Variants in ALG9 observed in about 807,000 individuals in gnomAD.
The protein encoded by ALG9 is alpha-1,2-mannosyltransferase ALG9.
Under a neutral mutation model 81.8 loss-of-function variants are expected in ALG9, and 55 were observed. The observed-to-expected ratio is 0.67, with a 90% CI of 0.54 to 0.84. ALG9 has a LOEUF of 0.84. Ranked by LOEUF, ALG9 falls within the 40% of genes least tolerant of loss-of-function variation. ALG9 has a pLI of 0.00. For missense variants in ALG9, 629 were observed against 745.0 expected, an observed-to-expected ratio of 0.84 and a Z score of 1.81; for synonymous variants, 278 against 274.3, an observed-to-expected ratio of 1.01 and a Z score of -0.13.
At chr11:111,825,330 G>A (rs1467040792) in intron 13 of ALG9, among the ~76,000 whole-genome samples, 1 of 152,182 alleles carries the variant, frequency 6.6e-6, no homozygotes, top group Non-Finnish European at 1.5e-5. Flanking sequence ...ATGAACCCTT[G>A]TCTTTAAACA....
At chr11:111,790,898 A>G (rs1310112137) in intron 14 of ALG9, among the ~76,000 whole-genome samples, 1 of 152,204 alleles carries the variant, frequency 6.6e-6, no homozygotes, top group Non-Finnish European at 1.5e-5. Flanking sequence ...CAGTTTTAGC[A>G]GTACCAATTA....
At chr11:111,768,315 T>C in the ALG9 span, among the ~76,000 whole-genome samples, 5 of 152,220 alleles carry the variant, frequency 3.3e-5, no homozygotes, top group Non-Finnish European at 7.3e-5. Flanking sequence ...TAAATTACTA[T>C]AATATTTTTA....
chr11:111,821,699 G>T lies in ALG9; in HGVS notation c.1603-11926C>A, dbSNP rs555036303. Among the ~76,000 whole-genome samples, 8 of 151,682 alleles carry T rather than the reference G, an allele frequency of 5.3e-5. No homozygotes were observed. The East Asian group carries it at 1.6e-3, about 29-fold the overall frequency. On this transcript the variant is annotated intron_variant, in intron 13 of 14. Transcript: ENST00000616540. ...TGCCCAGGCTGGAGTACAGTGGCAC[G>T]ATCTCGGCTCACTGCAAGCTCCACC... is the stretch of plus-strand genomic sequence containing the variant.
downstream of ALG9, among the ~76,000 whole-genome samples, chr11:111,780,246 T>C (rs1355992987): frequency 1.3e-5 from 2 of 152,160 alleles, no homozygotes; most frequent in African/African-American, 4.8e-5. Flanking sequence ...GTACCCTTTC[T>C]CTCTTTTTAG....
At chr11:111,821,629 T>C (rs1952398064) in intron 13 of ALG9, among the ~76,000 whole-genome samples, 1 of 152,192 alleles carries the variant, frequency 6.6e-6, no homozygotes, top group Admixed American at 6.5e-5. Context: ...CTTCCGCTGT[T>C]TCCCCAGGCT....
At position 111,837,560 on chromosome 11, in the gene ALG9, T is replaced by G; in HGVS notation, c.1380A>C (p.Pro460=). 6.2e-7 allele frequency: 1 copy of G among 1,614,168 alleles called. No homozygotes were observed. Among genetic ancestry groups the G allele is most frequent in the African/African-American group, 1.3e-5 (1 of 75,038 alleles). ...YPEFYRIATD[P]TIHTVPEGRP... is the part of the protein sequence containing the mutation. Reference sequence around the variant, plus strand: ...TGCCTTCTGGGACAGTGTGGATGGTTGGGTCTGTAGCAATTCGGTAAAATT... The same window carrying G: ...TGCCTTCTGGGACAGTGTGGATGGTGGGGTCTGTAGCAATTCGGTAAAATT... The change falls in exon 12 of 15, where the codon CCA becomes CCC. Residue 460 remains proline (P), a synonymous_variant. Coordinates refer to ENST00000616540, the MANE Select transcript of ALG9 (RefSeq NM_024740.2).
chr11:111,840,930 C>T, intron 9 of ALG9, 121 bp from the exon 10 acceptor site: 1 of 1,192,608 alleles, frequency 8.4e-7, no homozygotes, highest in Non-Finnish European at 1.2e-6. Flanking sequence ...TAGAATGTTT[C>T]TACTCTTGTA....
intron 12 of ALG9, 72 bp downstream of exon 12, chr11:111,837,396 T>C: frequency 1.3e-6 from 2 of 1,570,388 alleles, no homozygotes. Context: ...AAACAAAAAT[T>C]AGAAGACACT....
intron 13 of ALG9, among the ~76,000 whole-genome samples, chr11:111,832,448 T>A (rs1954535507): frequency 6.7e-6 from 1 of 150,150 alleles, no homozygotes; most frequent in East Asian, 1.9e-4. Context: ...GCTAATTTAT[T>A]TTTTTTTTAT....
At chr11:111,775,855 T>C in the ALG9 span, among the ~76,000 whole-genome samples, 2 of 152,346 alleles carry the variant, frequency 1.3e-5, no homozygotes, top group Middle Eastern at 3.4e-3. Flanking sequence ...AAATAGGGAC[T>C]ATAAGTCACG....
chr11:111,854,081 A>G (rs1450495020), intron 6 of ALG9, among the ~76,000 whole-genome samples: 1 of 150,912 alleles, frequency 6.6e-6, no homozygotes, highest in Non-Finnish European at 1.5e-5. Flanking sequence ...TTTTAGTAAT[A>G]ACCTTATTAC....
rs1268736659 is a variant in ALG9, at chr11:111,853,708, T to C, written c.730A>G (p.Met244Val). 3 of 1,614,068 alleles carry C rather than the reference T, an allele frequency of 1.9e-6. No homozygotes were observed. The highest frequency in any genetic ancestry group is 2.2e-5 in the East Asian group (1 of 44,892). ...AAGAAACTCTTCCACCTGTGTTTCATGACCAGCAAATCAAAGGCAATGGGT... is the reference window on the plus strand; with the variant it reads ...AAGAAACTCTTCCACCTGTGTTTCACGACCAGCAAATCAAAGGCAATGGGT... Reference protein sequence around the residue: ...GLPIAFDLLVMKHRWKSFFHW... With the variant: ...GLPIAFDLLVVKHRWKSFFHW... The change falls in exon 7 of 15, where the codon ATG becomes GTG. Residue 244 changes from methionine (M) to valine (V), a missense_variant. Coordinates refer to ENST00000616540, the MANE Select transcript of ALG9 (RefSeq NM_024740.2).
chr11:111,795,941 T>C (rs1161435508), intron 14 of ALG9, among the ~76,000 whole-genome samples: 7 of 152,366 alleles, frequency 4.6e-5, no homozygotes, highest in Middle Eastern at 3.4e-3. Context: ...AGGTACTCTA[T>C]GTCCCATTCA....
chr11:111,810,094 C>T (rs1555089780), intron 13 of ALG9, among the ~76,000 whole-genome samples: 1 of 152,194 alleles, frequency 6.6e-6, no homozygotes. Context: ...CTTCTGCTCA[C>T]TACTGCTCTC....
At chr11:111,814,533 T>C (rs1015455601) in intron 13 of ALG9, 1 of 152,228 alleles carries the variant, frequency 6.6e-6, no homozygotes, top group Non-Finnish European at 1.5e-5. Flanking sequence ...TTTAGGCTTA[T>C]AGATTATACA....
intron 14 of ALG9, among the ~76,000 whole-genome samples, chr11:111,806,764 C>T (rs1204647672): frequency 6.6e-6 from 1 of 152,166 alleles, no homozygotes; most frequent in African/African-American, 2.4e-5. Flanking sequence ...GCTGCCTGTT[C>T]AATAATTCTA....
At chr11:111,791,827 T>C (rs1332508728) in intron 14 of ALG9, among the ~76,000 whole-genome samples, 1 of 152,220 alleles carries the variant, frequency 6.6e-6, no homozygotes, top group Non-Finnish European at 1.5e-5. Context: ...CACAGTGGCT[T>C]ACGCCTGTAA....
intron 14 of ALG9, among the ~76,000 whole-genome samples, chr11:111,792,036 T>C (rs530787241): frequency 3.6e-4 from 55 of 152,308 alleles, no homozygotes; most frequent in African/African-American, 1.2e-3. Context: ...TGAGCCAAGA[T>C]TGTGCCACTG....
At chr11:111,817,702 C>T (rs1284815336) in intron 13 of ALG9, among the ~76,000 whole-genome samples, 5 of 151,958 alleles carry the variant, frequency 3.3e-5, no homozygotes, top group African/African-American at 1.2e-4. Context: ...GATCCACCTG[C>T]CTCTACATCA....
Sources: gnomAD v4.1 joint callset for allele counts (sites outside exome capture counted in the v4.1 genomes callset) on GRCh38, gnomAD v4.1.1 for gene constraint, MANE v1.5 for transcripts, NCBI Gene and HGNC (gene_info 2026-07-23, HGNC 2026-07-21) for gene names.